YTHDC1: variants seen among roughly 807,000 people sequenced by gnomAD.
YTHDC1 encodes the protein YTH domain-containing protein 1.
A neutral mutation model predicts 107.0 loss-of-function variants in YTHDC1; 12 were observed. That is an observed-to-expected ratio of 0.11 (90% confidence interval 0.07 to 0.18). The LOEUF is 0.18. Ranked by LOEUF, YTHDC1 falls within the 10% of genes least tolerant of loss-of-function variation. YTHDC1 has a pLI of 1.00. For missense variants in YTHDC1, 635 were observed against 898.8 expected (o/e 0.71, Z 3.75); for synonymous variants, 280 against 289.5 (o/e 0.97, Z 0.33).
chr4:68,339,161 G>T (rs1297239054), intron 1 of YTHDC1, among the ~76,000 whole-genome samples: 2 of 152,116 alleles, frequency 1.3e-5, no homozygotes, highest in Admixed American at 6.6e-5. Context: ...GATAATCAAA[G>T]TTAACATCAC....
chr4:68,349,737 C>A lies in YTHDC1; in HGVS notation c.17G>T (p.Arg6Leu), dbSNP rs774583757. 1.9e-6 allele frequency: 3 copies of A among 1,613,472 alleles called. No homozygotes were observed. The highest frequency in any genetic ancestry group is 2.2e-5 in the South Asian group (2 of 91,052). The change falls in exon 1 of 17, where the codon CGG becomes CTG. Residue 6 changes from arginine to leucine, a missense_variant. Arg to Leu is a moderately radical substitution (Grantham distance 102). Transcript: ENST00000344157. MAADS[R>L]EEKDGELNVL... ...TTCTCCGCACTAACCTTTCTCCTCC[C>A]GACTGTCAGCCGCCATGGCTCCCCT...
intron 9 of YTHDC1, among the ~76,000 whole-genome samples, chr4:68,329,167 C>A (rs745855528): frequency 6.6e-6 from 1 of 152,072 alleles, no homozygotes; most frequent in Non-Finnish European, 1.5e-5. Context: ...CTGTTCTTCT[C>A]TTTTCCTAAC....
chr4:68,328,763 T>G lies in YTHDC1; in HGVS notation c.1349+1239A>C, dbSNP rs1723259326. On this transcript the variant is annotated intron_variant, in intron 9 of 16. Transcript: ENST00000344157. ...TGACAGGGATACACTCATTAGGTGA[T>G]TTCATTGTGTGAACATCACAGAATG... 2.0e-5 allele frequency among the ~76,000 whole-genome samples: 3 copies of G among 152,204 alleles called. No homozygotes were observed. The South Asian group carries it at 6.2e-4, about 31-fold the overall frequency.
chr4:68,337,992 G>C (rs1310676550), intron 2 of YTHDC1, 92 bp from the exon 3 acceptor site: 1 of 1,489,936 alleles, frequency 6.7e-7, no homozygotes, highest in Non-Finnish European at 8.8e-7. Context: ...ACATCAGGAA[G>C]GGGGGATAGG....
chr4:68,318,289 A>C (rs1722082597), intron 15 of YTHDC1, among the ~76,000 whole-genome samples: 2 of 152,208 alleles, frequency 1.3e-5, no homozygotes, highest in Admixed American at 1.3e-4. Context: ...TTTAGTAGAG[A>C]CAAGGTTTCA....
rs952996641 is a variant in YTHDC1, at chr4:68,322,802, C to A, written c.1548G>T (p.Gln516His). 1 of 1,614,198 alleles carries A rather than the reference C, an allele frequency of 6.2e-7. No homozygotes were observed. The highest frequency in any genetic ancestry group is 8.5e-7 in the Non-Finnish European group (1 of 1,180,028). ...GGGATGGACGTCCTCGTGATCGGGGCTGAGAATGCATTCTTCTCTTGTGAC... is the reference window on the plus strand; with the variant it reads ...GGGATGGACGTCCTCGTGATCGGGGATGAGAATGCATTCTTCTCTTGTGAC... Reference protein sequence around the residue: ...KMRHKRRMHSQPRSRGRPSRR... With the variant: ...KMRHKRRMHSHPRSRGRPSRR... Residue 516 changes from glutamine (Q) to histidine (H), a missense_variant, in exon 11 of 17, where the codon CAG (glutamine) becomes CAT (histidine). Coordinates refer to ENST00000344157, the MANE Select transcript of YTHDC1 (RefSeq NM_001031732.4). The surrounding 1 kb of genome is among the most constrained non-coding windows in gnomAD (Gnocchi z 4.8).
At chr4:68,341,175 T>C (rs1205651925) in intron 1 of YTHDC1, among the ~76,000 whole-genome samples, 1 of 152,168 alleles carries the variant, frequency 6.6e-6, no homozygotes, top group Non-Finnish European at 1.5e-5. Flanking sequence ...GTTGACCAAA[T>C]ACACTTGTCT....
At chr4:68,349,694 C>G (rs764761967) in intron 1 of YTHDC1, 32 bp downstream of exon 1, 1 of 1,565,950 alleles carries the variant, frequency 6.4e-7, no homozygotes, top group South Asian at 1.1e-5. Context: ...GCCCCAGCCT[C>G]GCCTCGGCCC....
Position 68,311,610 on chromosome 4 carries a change from T to C in YTHDC1, c.*2489A>G, listed in dbSNP as rs564102562. 6.6e-6 allele frequency: 1 copy of C among 152,306 alleles called. No homozygotes were observed. The highest frequency in any genetic ancestry group is 2.1e-4 in the South Asian group (1 of 4,826). 9.4% of individuals were successfully genotyped at this position (152,306 alleles called of 1,614,324 possible). On this transcript the variant is annotated 3_prime_UTR_variant, in exon 17 of 17. Coordinates refer to ENST00000344157, the MANE Select transcript of YTHDC1 (RefSeq NM_001031732.4). ...TGACTCTTCTGTACAGAAAAAAATC[T>C]TGCATTTTTTATACAATGTTCCGGT...
chr4:68,344,433 G>A (rs892112237), intron 1 of YTHDC1, among the ~76,000 whole-genome samples: 1 of 152,122 alleles, frequency 6.6e-6, no homozygotes, highest in Non-Finnish European at 1.5e-5. Context: ...AGCTAAAGGG[G>A]ACAATCCTAC....
In YTHDC1 at chr4:68,330,295, G is replaced by A; in HGVS notation, c.1138C>T (p.Leu380Phe). 1.3e-6 allele frequency: 2 copies of A among 1,596,448 alleles called. No individual in the cohort carries two copies. The highest frequency in any genetic ancestry group is 1.7e-6 in the Non-Finnish European group (2 of 1,171,372). ...TTTAATTTCTTCTCATTTACAGGGA[G>A]CGTGGACCATACACCCTACATAAAT... The part of the protein sequence containing the change: ...LAKAKGVWST[L>F]PVNEKKLNLA... Residue 380 changes from leucine (L) to phenylalanine (F), a missense_variant, in exon 8 of 17, where the codon CTC becomes TTC. Physicochemically the swap from Leu to Phe is conservative, Grantham distance 22 (BLOSUM62 0). This residue lies in a region of YTHDC1 where 60 missense variants were observed against 172.0 expected (regional missense o/e 0.35). Coordinates refer to ENST00000344157, the MANE Select transcript of YTHDC1 (RefSeq NM_001031732.4).
intron 1 of YTHDC1, chr4:68,344,133 T>G (rs1056123102): frequency 6.6e-5 from 10 of 151,858 alleles, no homozygotes; most frequent in African/African-American, 2.4e-4. Flanking sequence ...TGAGACAATC[T>G]GGGTTTGTAT....
At chr4:68,343,477 T>C (rs182537816) in intron 1 of YTHDC1, among the ~76,000 whole-genome samples, 10 of 145,696 alleles carry the variant, frequency 6.9e-5, no homozygotes, top group East Asian at 4.1e-4. Flanking sequence ...CTTGGGATTA[T>C]AGGCATGAGC....
chr4:68,328,954 G>A (rs1214893322), intron 9 of YTHDC1, among the ~76,000 whole-genome samples: 1 of 152,192 alleles, frequency 6.6e-6, no homozygotes, highest in Non-Finnish European at 1.5e-5. Context: ...AAAAGGTATA[G>A]TAAAATATGG....
Position 68,316,182 on chromosome 4 carries a change from A to AG in YTHDC1, c.1959+131_1959+132insC, listed in dbSNP as rs57763318. 12 of 933,446 alleles carry AG rather than the reference A, an allele frequency of 1.3e-5. No homozygotes were observed. The African/African-American group carries it at 4.7e-4, about 36-fold the overall frequency. 57.8% of individuals were successfully genotyped at this position (933,446 alleles called of 1,614,324 possible). A position where few individuals can be genotyped will look rare whatever the true frequency, so the allele number is the denominator to read the frequency against. On this transcript the variant is annotated intron_variant, in intron 16 of 16. Coordinates refer to ENST00000344157, the MANE Select transcript of YTHDC1 (RefSeq NM_001031732.4). The stretch of plus-strand genomic sequence containing the variant: ...TCAGGCATTTTTAATAAAAACAAAC[A>AG]ATTATTCCAAAACAGTCTGCAGTAA...
intron 1 of YTHDC1, among the ~76,000 whole-genome samples, chr4:68,349,187 G>C (rs2109755888): frequency 6.6e-6 from 1 of 152,248 alleles, no homozygotes; most frequent in Admixed American, 6.5e-5. Context: ...TCCAAAATAA[G>C]TATTCGAGGA....
chr4:68,322,561 C>T lies in YTHDC1; in HGVS notation c.1601+188G>A, dbSNP rs1256570639. Reference sequence around the variant, plus strand: ...CATAAGGAAAGATCCCCATTTTCCTCTTGAAAAATGACTGAGACCAAGGTG... The same window carrying T: ...CATAAGGAAAGATCCCCATTTTCCTTTTGAAAAATGACTGAGACCAAGGTG... On this transcript the variant is annotated intron_variant, in intron 11 of 16. Transcript: ENST00000344157. This position sits in a 1 kb window ranked among gnomAD's most constrained non-coding sequence, Gnocchi z 4.8. 7.7e-6 allele frequency: 5 copies of T among 646,010 alleles called. No individual in the cohort carries two copies. Among genetic ancestry groups the T allele is most frequent in the Non-Finnish European group, 1.3e-5 (5 of 398,426 alleles). 40.0% of individuals were successfully genotyped at this position (646,010 alleles called of 1,614,324 possible).
At chr4:68,325,751 G>A (rs1015443018) in intron 9 of YTHDC1, among the ~76,000 whole-genome samples, 3 of 152,092 alleles carry the variant, frequency 2.0e-5, no homozygotes, top group Non-Finnish European at 4.4e-5. Flanking sequence ...CAGGGAAATA[G>A]AAGTATTTTA....
intron 1 of YTHDC1, among the ~76,000 whole-genome samples, 166 bp downstream of exon 1, chr4:68,349,560 C>G (rs1725847374): frequency 6.6e-6 from 1 of 152,038 alleles, no homozygotes; most frequent in Admixed American, 6.6e-5. Flanking sequence ...AAGGGCAGGC[C>G]TGGTCTCCGC....
Sources: allele counts gnomAD v4.1 joint callset (sites outside exome capture counted in the v4.1 genomes callset), GRCh38; gene constraint gnomAD v4.1.1; regional missense constraint gnomAD v4.1.1; non-coding constraint Gnocchi (gnomAD v3.1); transcripts MANE v1.5; gene names NCBI Gene and HGNC (gene_info 2026-07-23, HGNC 2026-07-21).